Variants in PARVB observed in about 807,000 individuals in gnomAD.
PARVB encodes the protein beta-parvin.
PARVB carries 46 observed loss-of-function variants against 47.0 expected under a neutral mutation model. The ratio of observed to expected loss-of-function variants is 0.98; its 90% CI spans 0.77 to 1.25. The LOEUF (loss-of-function observed/expected upper bound fraction) is 1.25. Ranked by LOEUF, PARVB falls within the 50% of genes most tolerant of loss-of-function variation. The probability of loss-of-function intolerance (pLI) is 0.00; values close to 1 mark genes in which losing one functional copy is unlikely to be tolerated. For missense variants in PARVB, 473 were observed against 471.6 expected, an observed-to-expected ratio of 1.00 and a Z score of -0.03; for synonymous variants, 196 against 196.3, an observed-to-expected ratio of 1.00 and a Z score of 0.01.
chr22:44,045,538 A>G (rs1315086274), intron 1 of PARVB, among the ~76,000 whole-genome samples: 1 of 152,152 alleles, frequency 6.6e-6, no homozygotes, highest in Non-Finnish European at 1.5e-5. Flanking sequence ...CAAGGTGATT[A>G]TTGAGCTCCC....
intron 4 of PARVB, among the ~76,000 whole-genome samples, chr22:44,127,718 G>A (rs1306379963): frequency 1.6e-5 from 2 of 121,834 alleles, no homozygotes; most frequent in Admixed American, 8.3e-5. Flanking sequence ...AAAGAGAACA[G>A]ACTTCTGGTT....
rs765298188 is a variant in PARVB at position 44,071,189 on chromosome 22, C to T, written c.113-22739C>T. ...AGCAGAGTCAAGACTCTGAGAAGTC[C>T]GGTAGGAAAAGACACCTGCTTAGCT... On this transcript the variant is annotated intron_variant, in intron 1 of 12. Transcript: ENST00000338758. Among the ~76,000 whole-genome samples the T allele has an allele frequency of 4.6e-5, 7 of 152,242 alleles. No individual in the cohort carries two copies. In the East Asian group the frequency reaches 7.7e-4, roughly 17 times the overall value.
rs573234352 is a variant in PARVB at position 44,100,488 on chromosome 22, G to C, written c.273+365G>C. Among the ~76,000 whole-genome samples, 12 of 152,240 alleles carry C rather than the reference G, an allele frequency of 7.9e-5. No individual in the cohort carries two copies. The East Asian group carries it at 2.1e-3, about 27-fold the overall frequency. ...TGGAGCCTGGTGGGGTCTAGATTCA[G>C]ATTTAACCCTGAAAAGCAGGAGGGG... On this transcript the variant is annotated intron_variant, in intron 3 of 12. Transcript: ENST00000338758.
intron 11 of PARVB, among the ~76,000 whole-genome samples, chr22:44,163,060 G>C (rs1036250572): frequency 5.9e-5 from 9 of 152,184 alleles, no homozygotes; most frequent in Non-Finnish European, 1.2e-4. Flanking sequence ...ACCCCATCCT[G>C]CAGAGACACA....
chr22:44,080,396 C>T (rs1474105717), intron 1 of PARVB, among the ~76,000 whole-genome samples: 1 of 152,218 alleles, frequency 6.6e-6, no homozygotes, highest in Non-Finnish European at 1.5e-5. Context: ...CCTTTTCCAA[C>T]TTGCAGAGGC....
intron 2 of PARVB, among the ~76,000 whole-genome samples, chr22:44,096,777 G>C (rs984366156): frequency 6.6e-6 from 1 of 152,134 alleles, no homozygotes; most frequent in African/African-American, 2.4e-5. Flanking sequence ...CCTTGGGCAC[G>C]TTTTATTGCA....
intron 4 of PARVB, among the ~76,000 whole-genome samples, chr22:44,121,176 T>C (rs2053039089): frequency 6.6e-6 from 1 of 151,974 alleles, no homozygotes; most frequent in Non-Finnish European, 1.5e-5. Context: ...TAAATTTCAT[T>C]TTTTTGTGTT....
chr22:44,137,343 G>A (rs967330956), intron 7 of PARVB, among the ~76,000 whole-genome samples: 2 of 152,220 alleles, frequency 1.3e-5, no homozygotes, highest in Non-Finnish European at 2.9e-5. Flanking sequence ...CCAGGCCCAC[G>A]AAGGGAACAG....
At chr22:43,999,758 C>A in intron 2 of PARVB, 3 of 785,080 alleles carry the variant, frequency 3.8e-6, no homozygotes, top group Non-Finnish European at 4.0e-6. Context: ...CTTTGGGAGG[C>A]TGAGGAGGGA....
chr22:44,166,953 G>A (rs2054181254), intron 12 of PARVB, among the ~76,000 whole-genome samples: 1 of 152,180 alleles, frequency 6.6e-6, no homozygotes, highest in Non-Finnish European at 1.5e-5. Context: ...CGGGTACCCA[G>A]GGCTGGTGGG....
At chr22:44,033,887 C>T (rs1426643872) in intron 1 of PARVB, among the ~76,000 whole-genome samples, 1 of 152,086 alleles carries the variant, frequency 6.6e-6, no homozygotes, top group African/African-American at 2.4e-5. Context: ...GGAGCCCTGT[C>T]TGCCCTTGTT....
intron 4 of PARVB, among the ~76,000 whole-genome samples, chr22:44,130,397 C>G (rs59561840): frequency 6.6e-6 from 1 of 152,108 alleles, no homozygotes; most frequent in Admixed American, 6.5e-5. Context: ...CGCTGGTGGC[C>G]GGCACCTGCC....
At chr22:44,117,076 C>T (rs1186478670) in intron 3 of PARVB, among the ~76,000 whole-genome samples, 1 of 152,072 alleles carries the variant, frequency 6.6e-6, no homozygotes, top group Non-Finnish European at 1.5e-5. Flanking sequence ...TGGAAAGGAG[C>T]ACGCCTGGGG....
At chr22:44,151,747 G>C in intron 10 of PARVB, 196 bp downstream of exon 10, 1 of 561,574 alleles carries the variant, frequency 1.8e-6, no homozygotes, top group Non-Finnish European at 3.2e-6. Flanking sequence ...CTGCCACAAA[G>C]CACCACAAAC....
At chr22:44,086,867 C>T in intron 1 of PARVB, 1 of 980,716 alleles carries the variant, frequency 1.0e-6, no homozygotes, top group Non-Finnish European at 1.2e-6. Context: ...CATTTCCTGG[C>T]AGAGGCCTGG....
intron 6 of PARVB, among the ~76,000 whole-genome samples, chr22:44,136,059 C>T (rs185991890): frequency 2.0e-5 from 3 of 152,292 alleles, no homozygotes; most frequent in East Asian, 1.9e-4. Context: ...TCTTCAGTCC[C>T]GTGCACACAC....
chr22:44,041,857 C>A (rs1007973830), intron 1 of PARVB, among the ~76,000 whole-genome samples: 1 of 152,134 alleles, frequency 6.6e-6, no homozygotes, highest in African/African-American at 2.4e-5. Flanking sequence ...TACATTCCAG[C>A]CTGGGTGACA....
intron 2 of PARVB, among the ~76,000 whole-genome samples, chr22:44,007,323 G>C (rs539814290): frequency 6.6e-6 from 1 of 152,186 alleles, no homozygotes; most frequent in South Asian, 2.1e-4. Flanking sequence ...ATCCTTTCCC[G>C]TGCTGCTTTG....
intron 11 of PARVB, 58 bp from the exon 12 acceptor site, chr22:44,163,800 G>T (rs989884757): frequency 2.1e-6 from 3 of 1,396,988 alleles, no homozygotes; most frequent in Non-Finnish European, 3.0e-6. Context: ...CCAGCAGTGG[G>T]CCGTGTGTGG....
Sources: gnomAD v4.1 joint callset for allele counts (sites outside exome capture counted in the v4.1 genomes callset) on GRCh38, gnomAD v4.1.1 for gene constraint, MANE v1.5 for transcripts, NCBI Gene and HGNC (gene_info 2026-07-23, HGNC 2026-07-21) for gene names.